Variants in RIMS1 observed in about 807,000 individuals in gnomAD.
RIMS1 encodes the protein regulating synaptic membrane exocytosis 1.
A neutral mutation model predicts 214.1 loss-of-function variants in RIMS1; 83 were observed. The ratio of observed to expected loss-of-function variants is 0.39; its 90% confidence interval spans 0.32 to 0.47. RIMS1 has a LOEUF of 0.47. RIMS1 is among the 20% of genes least tolerant of loss of function. The pLI is 0.99. For missense variants in RIMS1, 2,050 were observed against 2,161.8 expected (o/e 0.95, Z 1.03); for synonymous variants, 793 against 786.8 (o/e 1.01, Z -0.13).
At chr6:71,925,514 A>C (rs1319281606) in intron 1 of RIMS1, among the ~76,000 whole-genome samples, 1 of 152,244 alleles carries the variant, frequency 6.6e-6, no homozygotes, top group Non-Finnish European at 1.5e-5. Flanking sequence ...GTATAAATGC[A>C]ATTGAGAACA....
intron 2 of RIMS1, among the ~76,000 whole-genome samples, chr6:71,980,032 C>G (rs1798107335): frequency 1.3e-5 from 2 of 152,062 alleles, no homozygotes; most frequent in South Asian, 4.1e-4. Context: ...GTTGCTGTGC[C>G]TCAGGGCTCA....
At chr6:72,232,216 A>C (rs1164691053) in intron 6 of RIMS1, among the ~76,000 whole-genome samples, 2 of 151,702 alleles carry the variant, frequency 1.3e-5, no homozygotes, top group Non-Finnish European at 3.0e-5. Context: ...GGAAGTCATT[A>C]GGCATTTTTA....
At chr6:72,214,884 G>A (rs2055125734) in intron 6 of RIMS1, among the ~76,000 whole-genome samples, 1 of 152,044 alleles carries the variant, frequency 6.6e-6, no homozygotes, top group Admixed American at 6.6e-5. Flanking sequence ...ACCACACGCA[G>A]CTAATTTTTT....
intron 2 of RIMS1, among the ~76,000 whole-genome samples, chr6:71,974,225 A>C (rs1233119406): frequency 6.6e-6 from 1 of 152,042 alleles, no homozygotes. Context: ...TGCCAAGGTA[A>C]CATAAAATTA....
chr6:71,912,437 T>C (rs888165720), intron 1 of RIMS1, among the ~76,000 whole-genome samples: 1 of 152,194 alleles, frequency 6.6e-6, no homozygotes, highest in Admixed American at 6.6e-5. Context: ...CAGTAGAATT[T>C]ATGTAATCTA....
chr6:72,205,015 A>G (rs2463754), intron 6 of RIMS1, among the ~76,000 whole-genome samples: 107,731 of 151,988 alleles, frequency 0.71, 38,537 homozygotes, highest in East Asian at 0.84. Flanking sequence ...ATGACAAGAC[A>G]TTATTTACTT....
Position 72,182,996 on chromosome 6 carries a change from G to C in RIMS1, c.1525G>C (p.Val509Leu). The change falls in exon 6 of 34, where the codon GTG becomes CTG. Residue 509 changes from valine (V) to leucine (L), a missense_variant. Coordinates refer to ENST00000521978, the MANE Select transcript of RIMS1 (RefSeq NM_014989.7). ...DSLSSDQSES[V>L]RPSPPKPHRS... The stretch of plus-strand genomic sequence containing the variant: ...TTTGAGCTCAGACCAGTCCGAGTCG[G>C]TGCGGCCGTCCCCGCCCAAGCCGCA... 6.3e-7 allele frequency: 1 copy of C among 1,593,862 alleles called. No homozygotes were observed. The highest frequency in any genetic ancestry group is 8.5e-7 in the Non-Finnish European group (1 of 1,171,714).
chr6:72,274,333 T>G lies in RIMS1; in HGVS notation c.3399-16T>G. On this transcript the variant is annotated splice_polypyrimidine_tract_variant and intron_variant, in intron 22 of 33. Transcript: ENST00000521978. ...AAATGTCCTGTTTTTTCCTGTCTTG[T>G]TCACTGGGCAAACAGGGGTAGATGG... 4 of 1,589,602 alleles carry G rather than the reference T, an allele frequency of 2.5e-6. No individual in the cohort carries two copies. Among genetic ancestry groups the G allele is most frequent in the Non-Finnish European group, 3.5e-6 (4 of 1,159,034 alleles).
At chr6:72,269,241 T>C (rs2081934238) in intron 22 of RIMS1, among the ~76,000 whole-genome samples, 1 of 152,130 alleles carries the variant, frequency 6.6e-6, no homozygotes, top group East Asian at 1.9e-4. Flanking sequence ...ACATTTTACA[T>C]TACCCACCCT....
At chr6:72,276,668 T>C (rs2086609197) in intron 23 of RIMS1, among the ~76,000 whole-genome samples, 1 of 152,192 alleles carries the variant, frequency 6.6e-6, no homozygotes, top group Admixed American at 6.5e-5. Context: ...CTCTTGATAC[T>C]ATTATTTATT....
intron 2 of RIMS1, among the ~76,000 whole-genome samples, chr6:71,998,128 G>A (rs969509778): frequency 2.6e-5 from 4 of 151,842 alleles, no homozygotes; most frequent in Admixed American, 1.3e-4. Context: ...CTTTCAATAT[G>A]GTATTATGCT....
In RIMS1 at chr6:72,159,338, G is replaced by A. The variant is rs1297085014; in HGVS notation, c.472-20237G>A. On this transcript the variant is annotated intron_variant, in intron 4 of 33. Coordinates refer to ENST00000521978, the MANE Select transcript of RIMS1 (RefSeq NM_014989.7). The stretch of plus-strand genomic sequence containing the variant: ...GATTGCAAAAATTTTCTCCCATTCT[G>A]TAGGTTGCCTGTTCACTCTGACGGT... 8.6e-4 allele frequency among the ~76,000 whole-genome samples: 121 copies of A among 140,442 alleles called. 23 individuals are homozygous for A. Among genetic ancestry groups the A allele is most frequent in the Admixed American group, 2.3e-3 (32 of 13,684 alleles). The allele number at this position is 140,442 out of a possible 152,430, so 92.1% of individuals were successfully genotyped here. A position where few individuals can be genotyped will look rare whatever the true frequency, so the allele number is the denominator to read the frequency against.
intron 2 of RIMS1, among the ~76,000 whole-genome samples, chr6:72,034,723 G>A (rs1819111761): frequency 6.6e-6 from 1 of 152,028 alleles, no homozygotes; most frequent in African/African-American, 2.4e-5. Flanking sequence ...ACTAAGAAAT[G>A]AGCCACAGCT....
In RIMS1 at chr6:72,291,006, C is replaced by T; in HGVS notation, c.3737+145C>T. The T allele has an allele frequency of 4.4e-6, 3 of 685,080 alleles. No individual in the cohort carries two copies. In the South Asian group the frequency reaches 6.2e-5, roughly 14 times the overall value. The allele number at this position is 685,080 out of a possible 1,614,324, so 42.4% of individuals were successfully genotyped here. ...CTTTGTGACACTTAAATCTCTCTCA[C>T]ATCCTCTATTACTTGCATCTATCTT... On this transcript the variant is annotated intron_variant, in intron 25 of 33. Transcript: ENST00000521978.
At chr6:72,350,631 C>A (rs781693956) in intron 29 of RIMS1, among the ~76,000 whole-genome samples, 8 of 152,198 alleles carry the variant, frequency 5.3e-5, no homozygotes, top group Non-Finnish European at 1.0e-4. Flanking sequence ...CCATTGCATA[C>A]CCTTTGGCTG....
At chr6:72,336,594 A>G (rs1470811455) in intron 29 of RIMS1, among the ~76,000 whole-genome samples, 1 of 151,750 alleles carries the variant, frequency 6.6e-6, no homozygotes, top group Non-Finnish European at 1.5e-5. Context: ...ACTTCTCTCT[A>G]CAACTCAGTT....
intron 29 of RIMS1, among the ~76,000 whole-genome samples, chr6:72,368,995 C>T (rs1165707030): frequency 6.6e-6 from 1 of 150,660 alleles, no homozygotes; most frequent in African/African-American, 2.4e-5. Context: ...ACAGAGGAAA[C>T]AGGATGTAAC....
chr6:72,175,061 T>C (rs1375630241), intron 4 of RIMS1, among the ~76,000 whole-genome samples: 3 of 152,192 alleles, frequency 2.0e-5, no homozygotes, highest in African/African-American at 7.2e-5. Flanking sequence ...CATCTACTTT[T>C]GTCAACAAAG....
At chr6:72,164,341 G>A (rs920980533) in intron 4 of RIMS1, among the ~76,000 whole-genome samples, 6 of 151,910 alleles carry the variant, frequency 3.9e-5, no homozygotes, top group African/African-American at 7.3e-5. Flanking sequence ...GTGCTTCCTG[G>A]GTGAGGCAAT....
Sources: allele counts gnomAD v4.1 joint callset (sites outside exome capture counted in the v4.1 genomes callset), GRCh38; gene constraint gnomAD v4.1.1; transcripts MANE v1.5; gene names NCBI Gene and HGNC (gene_info 2026-07-23, HGNC 2026-07-21).